The following SEMA3C variants were observed in gnomAD, a reference collection of about 807,000 sequenced individuals.
SEMA3C encodes the protein semaphorin 3C.
Under a neutral mutation model 89.4 loss-of-function variants are expected in SEMA3C, and 47 were observed. The observed-to-expected ratio is 0.53, with a 90% CI of 0.42 to 0.67. The LOEUF is 0.67. Among genes scored for constraint, SEMA3C ranks in the 30% least tolerant of loss-of-function variants. The pLI, the probability that SEMA3C is intolerant of heterozygous loss-of-function variation, is 0.00. For missense variants in SEMA3C, 839 were observed against 929.1 expected, an observed-to-expected ratio of 0.90 and a Z score of 1.26; for synonymous variants, 310 against 320.2, an observed-to-expected ratio of 0.97 and a Z score of 0.34.
chr7:80,757,654 T>C (rs1367075440), intron 15 of SEMA3C, among the ~76,000 whole-genome samples: 1 of 152,184 alleles, frequency 6.6e-6, no homozygotes, highest in Non-Finnish European at 1.5e-5. Context: ...AGGTGGGTTT[T>C]AAGGCTACAC....
chr7:80,905,133 A>G (rs1012519724), intron 2 of SEMA3C, among the ~76,000 whole-genome samples: 2 of 150,876 alleles, frequency 1.3e-5, no homozygotes, highest in Non-Finnish European at 3.0e-5. Flanking sequence ...GATATTTAAA[A>G]TAGCCTCTTT....
At chr7:80,808,554 A>C (rs1789392989) in intron 6 of SEMA3C, among the ~76,000 whole-genome samples, 1 of 152,184 alleles carries the variant, frequency 6.6e-6, no homozygotes, top group South Asian at 2.1e-4. Flanking sequence ...AATAACTTCC[A>C]AGGTTTACCT....
intron 6 of SEMA3C, among the ~76,000 whole-genome samples, chr7:80,808,823 G>T (rs1186263055): frequency 6.6e-6 from 1 of 152,162 alleles, no homozygotes; most frequent in Non-Finnish European, 1.5e-5. Flanking sequence ...TGCCCAGGCT[G>T]GAGTGTAATG....
chr7:80,854,286 T>G (rs1410461434), intron 2 of SEMA3C, among the ~76,000 whole-genome samples: 1 of 152,144 alleles, frequency 6.6e-6, no homozygotes, highest in East Asian at 1.9e-4. Context: ...TAGATCAGAC[T>G]CCATATGAAC....
intron 15 of SEMA3C, among the ~76,000 whole-genome samples, chr7:80,752,242 A>G (rs2117035070): frequency 6.6e-6 from 1 of 152,306 alleles, no homozygotes; most frequent in Non-Finnish European, 1.5e-5. Flanking sequence ...TATGGATTTA[A>G]GTTAACCAGC....
rs185849265 is a variant in SEMA3C, at chr7:80,898,429, T to C, written c.103+18250A>G. Reference sequence around the variant, plus strand: ...GTACTAAAATGTGAAATAATTCTTATTGAAGATGAGTAACACTGAATTCCA... The same window carrying C: ...GTACTAAAATGTGAAATAATTCTTACTGAAGATGAGTAACACTGAATTCCA... On this transcript the variant is annotated intron_variant, in intron 2 of 17. Transcript: ENST00000265361. Among the ~76,000 whole-genome samples the C allele has an allele frequency of 3.3e-4, 50 of 152,190 alleles. 1 individual carries two copies. Among genetic ancestry groups the C allele is most frequent in the Admixed American group, 3.0e-3 (46 of 15,274 alleles).
chr7:80,827,939 A>G (rs1017363289), intron 3 of SEMA3C, among the ~76,000 whole-genome samples: 6 of 152,158 alleles, frequency 3.9e-5, no homozygotes, highest in African/African-American at 1.4e-4. Flanking sequence ...AATAGCTAAA[A>G]TAACTTGGAT....
At chr7:80,860,893 G>A (rs903589363) in intron 2 of SEMA3C, among the ~76,000 whole-genome samples, 1 of 152,090 alleles carries the variant, frequency 6.6e-6, no homozygotes, top group African/African-American at 2.4e-5. Context: ...AGTTACCTTC[G>A]AAGCATACTT....
At chr7:80,776,042 G>C (rs1418591553) in intron 12 of SEMA3C, among the ~76,000 whole-genome samples, 1 of 152,010 alleles carries the variant, frequency 6.6e-6, no homozygotes. Context: ...GATCTACAAA[G>C]ATTACTTTAC....
intron 2 of SEMA3C, among the ~76,000 whole-genome samples, chr7:80,899,549 G>A (rs1052373168): frequency 7.2e-5 from 11 of 152,070 alleles, no homozygotes; most frequent in Non-Finnish European, 1.2e-4. Context: ...CCACCCTGGA[G>A]ACAGCATTCT....
intron 12 of SEMA3C, among the ~76,000 whole-genome samples, chr7:80,771,393 T>C (rs1226209371): frequency 3.3e-5 from 5 of 152,234 alleles, no homozygotes; most frequent in African/African-American, 1.2e-4. Flanking sequence ...AGCAGACTCA[T>C]CAATCCATAT....
Position 80,802,673 on chromosome 7 carries a change from T to C in SEMA3C, c.908A>G (p.Asp303Gly), listed in dbSNP as rs906961857. The change falls in exon 9 of 18, where the codon GAT becomes GGT. Residue 303 changes from aspartate to glycine, a missense_variant. Physicochemically the swap from Asp to Gly is moderately conservative, Grantham distance 94. Transcript: ENST00000265361. ...TDEDGPETHF[D>G]ELEDVFLLET... ...ATCTCATATGTATGTACCTAATTCATCAAAGTGTGTTTCTGGGCCGTCTTC... is the reference window on the plus strand; with the variant it reads ...ATCTCATATGTATGTACCTAATTCACCAAAGTGTGTTTCTGGGCCGTCTTC... 6.2e-7 allele frequency: 1 copy of C among 1,611,648 alleles called. No homozygotes were observed. The highest frequency in any genetic ancestry group is 8.5e-7 in the Non-Finnish European group (1 of 1,177,868).
At chr7:80,814,078 T>C (rs1212864334) in intron 5 of SEMA3C, among the ~76,000 whole-genome samples, 1 of 138,240 alleles carries the variant, frequency 7.2e-6, no homozygotes, top group African/African-American at 2.7e-5. Flanking sequence ...TGTTCCTTTT[T>C]TTTTTCTTTT....
At chr7:80,801,143 A>G (rs1411238622) in intron 9 of SEMA3C, among the ~76,000 whole-genome samples, 1 of 152,084 alleles carries the variant, frequency 6.6e-6, no homozygotes, top group Non-Finnish European at 1.5e-5. Context: ...ATCCATCAGA[A>G]TATAAGAATA....
intron 2 of SEMA3C, among the ~76,000 whole-genome samples, chr7:80,835,084 C>T (rs544808181): frequency 1.6e-3 from 243 of 152,124 alleles, no homozygotes; most frequent in African/African-American, 5.7e-3. Context: ...TGTCTTCAGC[C>T]TTTTATAAAA....
intron 15 of SEMA3C, among the ~76,000 whole-genome samples, chr7:80,753,747 A>G (rs763289782): frequency 6.6e-6 from 1 of 152,210 alleles, no homozygotes; most frequent in Admixed American, 6.5e-5. Context: ...TTTTTATAGA[A>G]AAGACATTTA....
At chr7:80,862,399 T>G in intron 2 of SEMA3C, among the ~76,000 whole-genome samples, 1 of 152,038 alleles carries the variant, frequency 6.6e-6, no homozygotes, top group Non-Finnish European at 1.5e-5. Flanking sequence ...TCAAAAGACC[T>G]CTACAAGGAA....
chr7:80,886,307 G>C (rs117194277), intron 2 of SEMA3C, among the ~76,000 whole-genome samples: 4,960 of 151,288 alleles, frequency 0.033, 103 homozygotes, highest in South Asian at 0.056. Context: ...ATATATCTGT[G>C]CATTTATGAA....
At chr7:80,807,371 T>C (rs1789366318) in intron 6 of SEMA3C, among the ~76,000 whole-genome samples, 1 of 152,194 alleles carries the variant, frequency 6.6e-6, no homozygotes, top group Non-Finnish European at 1.5e-5. Context: ...TTATTAGTCA[T>C]GTCTCAAACA....
Sources: allele counts gnomAD v4.1 joint callset (sites outside exome capture counted in the v4.1 genomes callset), GRCh38; gene constraint gnomAD v4.1.1; transcripts MANE v1.5; gene names NCBI Gene and HGNC (gene_info 2026-07-23, HGNC 2026-07-21).